SEMA3F: variants seen among roughly 807,000 people sequenced by gnomAD.
SEMA3F encodes semaphorin-3F.
Under a neutral mutation model 98.5 loss-of-function variants are expected in SEMA3F, and 30 were observed. The ratio of observed to expected loss-of-function variants is 0.30; its 90% confidence interval spans 0.23 to 0.41. The LOEUF (loss-of-function observed/expected upper bound fraction) is 0.41, where lower values mean the gene tolerates loss of function less well. SEMA3F is among the 10% of genes least tolerant of loss of function. The pLI, the probability that SEMA3F is intolerant of heterozygous loss-of-function variation, is 1.00. For missense variants in SEMA3F, 866 were observed against 1,119.3 expected, an observed-to-expected ratio of 0.77 and a Z score of 3.23; for synonymous variants, 380 against 444.8, an observed-to-expected ratio of 0.85 and a Z score of 1.83.
chr3:50,185,574 C>G, intron 14 of SEMA3F, 43 bp downstream of exon 14: 1 of 1,612,280 alleles, frequency 6.2e-7, no homozygotes. Flanking sequence ...CACCTTTACC[C>G]TCCCCCCAGT....
At position 50,186,331 on chromosome 3, in the gene SEMA3F, G is replaced by A. The variant is rs754854474; in HGVS notation, c.1796G>A (p.Arg599His). The change falls in exon 17 of 19, where the codon CGT becomes CAT. Residue 599 changes from arginine (R) to histidine (H), a missense_variant. This residue lies in a region of SEMA3F where 374 missense variants were observed against 582.8 expected (regional missense o/e 0.64). Transcript: ENST00000002829. ...CACGGAAACCCCATCAGGCAGTGCC[G>A]TGGGTTCAACTCCAATGGTGAGTAT... ...VRHGNPIRQC[R>H]GFNSNANKNA... The A allele has an allele frequency of 3.0e-5, 48 of 1,613,700 alleles. No homozygotes were observed. Among genetic ancestry groups the A allele is most frequent in the Non-Finnish European group, 3.9e-5 (46 of 1,179,940 alleles).
Position 50,158,768 on chromosome 3 carries a change from G to C in SEMA3F, c.-48-807G>C, listed in dbSNP as rs1387606402. On this transcript the variant is annotated intron_variant, in intron 1 of 18. Transcript: ENST00000002829. This position sits in a 1 kb window ranked among gnomAD's most constrained non-coding sequence, Gnocchi z 4.8. The stretch of plus-strand genomic sequence containing the variant: ...GTTTACCCAACAGCCAGCCTGCCTG[G>C]GGAGACAATATTTGAAAAACACAGT... Among the ~76,000 whole-genome samples, 1 of 152,196 alleles carries C rather than the reference G, an allele frequency of 6.6e-6. No individual in the cohort carries two copies. Among genetic ancestry groups the C allele is most frequent in the African/African-American group, 2.4e-5 (1 of 41,436 alleles).
Position 50,158,774 on chromosome 3 carries a change from C to T in SEMA3F, c.-48-801C>T, listed in dbSNP as rs1348350967. Among the ~76,000 whole-genome samples, 2 of 152,172 alleles carry T rather than the reference C, an allele frequency of 1.3e-5. No individual in the cohort carries two copies. Among genetic ancestry groups the T allele is most frequent in the Non-Finnish European group, 1.5e-5 (1 of 68,024 alleles). On this transcript the variant is annotated intron_variant, in intron 1 of 18. Transcript: ENST00000002829. This position sits in a 1 kb window ranked among gnomAD's most constrained non-coding sequence, Gnocchi z 4.8. ...CCAACAGCCAGCCTGCCTGGGGAGA[C>T]AATATTTGAAAAACACAGTATTGAA...
chr3:50,182,613 G>T lies in SEMA3F; in HGVS notation c.764-31G>T. The T allele has an allele frequency of 1.9e-6, 3 of 1,606,188 alleles. No homozygotes were observed. Among genetic ancestry groups the T allele is most frequent in the Non-Finnish European group, 2.6e-6 (3 of 1,174,628 alleles). On this transcript the variant is annotated intron_variant, in intron 8 of 18. Coordinates refer to ENST00000002829, the MANE Select transcript of SEMA3F (RefSeq NM_004186.5). The surrounding 1 kb of genome is among the most constrained non-coding windows in gnomAD (Gnocchi z 4.5). ...ACATCAGGGGCACCATCAGAGTAGG[G>T]GCTCACCCAGCTGACCCCTGCCACC...
At chr3:50,187,558 A>T (rs1162404176) in intron 18 of SEMA3F, 147 bp from the exon 19 acceptor site, 2 of 527,968 alleles carry the variant, frequency 3.8e-6, no homozygotes, top group East Asian at 6.3e-5. Flanking sequence ...CTCATTATGT[A>T]GAAACTTCAT....
At chr3:50,174,972 G>A (rs1698752899) in intron 5 of SEMA3F, 124 bp from the exon 6 acceptor site, 1 of 689,368 alleles carries the variant, frequency 1.5e-6, no homozygotes. Context: ...GCATAGACGT[G>A]CTCTGGGGGG....
chr3:50,159,757 C>T (rs1185742625), intron 2 of SEMA3F, 23 bp downstream of exon 2: 4 of 1,479,724 alleles, frequency 2.7e-6, no homozygotes, highest in African/African-American at 1.4e-5. Context: ...TTTGTTCTTC[C>T]CCAGAAATCA....
chr3:50,181,139 A>G (rs1176521883), intron 7 of SEMA3F, among the ~76,000 whole-genome samples: 2 of 152,066 alleles, frequency 1.3e-5, no homozygotes, highest in Non-Finnish European at 2.9e-5. Context: ...TATGCTGTTG[A>G]AAAAATGGTG....
rs2109045797 is a variant in SEMA3F, at chr3:50,156,508, C to CT, written c.-49+945dup. Among the ~76,000 whole-genome samples, 2 of 152,330 alleles carry CT rather than the reference C, an allele frequency of 1.3e-5. No homozygotes were observed. The highest frequency in any genetic ancestry group is 4.1e-4 in the South Asian group (2 of 4,826). ...TGAAGCTGGGCCAGGTTGGGGACCT[C>CT]TGTCCTCCTGAATTCACCCAGATAG... On this transcript the variant is annotated intron_variant, in intron 1 of 18. Coordinates refer to ENST00000002829, the MANE Select transcript of SEMA3F (RefSeq NM_004186.5). The surrounding 1 kb of genome is among the most constrained non-coding windows in gnomAD (Gnocchi z 4.5).
chr3:50,155,617 G>A lies in SEMA3F; in HGVS notation c.-49+53G>A. On this transcript the variant is annotated intron_variant, in intron 1 of 18. Transcript: ENST00000002829. The surrounding 1 kb of genome is among the most constrained non-coding windows in gnomAD (Gnocchi z 4.9). ...CGGGCAGGCGGCCGGGCCACCCCGC[G>A]ACCCCTCTGGGACCCGCGGCACTGC... 2 of 250,496 alleles carry A rather than the reference G, an allele frequency of 8.0e-6. No homozygotes were observed. The highest frequency in any genetic ancestry group is 7.6e-6 in the Non-Finnish European group (1 of 131,556). The allele number at this position is 250,496 out of a possible 1,614,324, so 15.5% of individuals were successfully genotyped here.
At chr3:50,169,436 T>G (rs1698520053) in intron 2 of SEMA3F, among the ~76,000 whole-genome samples, 1 of 152,042 alleles carries the variant, frequency 6.6e-6, no homozygotes, top group Non-Finnish European at 1.5e-5. Flanking sequence ...GCTGCGGAAA[T>G]GAGGTGTCTG....
At chr3:50,168,402 A>C (rs546870895) in intron 2 of SEMA3F, among the ~76,000 whole-genome samples, 1 of 152,186 alleles carries the variant, frequency 6.6e-6, no homozygotes, top group Non-Finnish European at 1.5e-5. Context: ...AGTGCCCAAG[A>C]GTGGGTCTGT....
upstream of SEMA3F, chr3:50,155,153 CCG>C: frequency 2.7e-6 from 1 of 372,900 alleles, no homozygotes. The surrounding 1 kb of genome is among the most constrained non-coding windows in gnomAD (Gnocchi z 4.9). Flanking sequence ...CCTGGGTACG[CCG>C]CGAGGAACCG....
intron 17 of SEMA3F, 50 bp downstream of exon 17, chr3:50,186,398 C>T (rs369516192): frequency 9.6e-6 from 15 of 1,567,348 alleles, no homozygotes; most frequent in Admixed American, 1.7e-5. Flanking sequence ...TGCAGAAGTC[C>T]ACGCAGCCCA....
chr3:50,157,447 G>A (rs540648375), intron 1 of SEMA3F, among the ~76,000 whole-genome samples: 11 of 152,054 alleles, frequency 7.2e-5, no homozygotes, highest in East Asian at 1.9e-4. Flanking sequence ...CCCAGGTGGC[G>A]GTGGCTGTTC....
chr3:50,172,334 C>CAG lies in SEMA3F; in HGVS notation c.113-1459_113-1458insAG, dbSNP rs1698645216. On this transcript the variant is annotated intron_variant, in intron 2 of 18. Coordinates refer to ENST00000002829, the MANE Select transcript of SEMA3F (RefSeq NM_004186.5). Reference sequence around the variant, plus strand: ...ATTCATCATCCTCATTACAGTGTTCCCTCTTTTGCTGAGCTAAAGATAGCT... The same window carrying CAG: ...ATTCATCATCCTCATTACAGTGTTCCAGCTCTTTTGCTGAGCTAAAGATAGCT... Among the ~76,000 whole-genome samples the CAG allele has an allele frequency of 2.0e-5, 3 of 152,262 alleles. No homozygotes were observed. In the East Asian group the frequency reaches 5.8e-4, roughly 29 times the overall value.
Position 50,187,914 on chromosome 3 carries a change from C to G in SEMA3F, c.2157C>G (p.Gly719=). 5 of 1,608,334 alleles carry G rather than the reference C, an allele frequency of 3.1e-6. No homozygotes were observed. The highest frequency in any genetic ancestry group is 4.2e-6 in the Non-Finnish European group (5 of 1,177,102). ...PLSMSAPPPP[G]AGPPTPPYQE... Reference sequence around the variant, plus strand: ...CCATGAGCGCCCCGCCACCCCCAGGCGCAGGCCCCCCAACGCCTCCTTACC... The same window carrying G: ...CCATGAGCGCCCCGCCACCCCCAGGGGCAGGCCCCCCAACGCCTCCTTACC... The change falls in exon 19 of 19, where the codon GGC becomes GGG. Residue 719 remains glycine (G), a synonymous_variant. Transcript: ENST00000002829.
In SEMA3F at chr3:50,183,347, G is replaced by T; in HGVS notation, c.1089-73G>T. On this transcript the variant is annotated intron_variant, in intron 11 of 18. Transcript: ENST00000002829. ...AACCCCAGCCCGGTGGCGAGCTGTG[G>T]GGAGGGGGCAGTTTGGGGAGGGGCC... 8 of 1,605,140 alleles carry T rather than the reference G, an allele frequency of 5.0e-6. No individual in the cohort carries two copies. In the South Asian group the frequency reaches 8.8e-5, roughly 18 times the overall value.
intron 2 of SEMA3F, among the ~76,000 whole-genome samples, chr3:50,161,968 C>A (rs1454977449): frequency 6.6e-6 from 1 of 152,220 alleles, no homozygotes; most frequent in Non-Finnish European, 1.5e-5. Flanking sequence ...CATCTTCCTC[C>A]CAGAGTACAC....
Sources: allele counts gnomAD v4.1 joint callset (sites outside exome capture counted in the v4.1 genomes callset), GRCh38; gene constraint gnomAD v4.1.1; regional missense constraint gnomAD v4.1.1; non-coding constraint Gnocchi (gnomAD v3.1); transcripts MANE v1.5; gene names NCBI Gene and HGNC (gene_info 2026-07-23, HGNC 2026-07-21).